Variants in NSD1 observed in about 807,000 individuals in gnomAD.
NSD1 encodes the protein nuclear receptor binding SET domain protein 1.
NSD1 carries 26 observed loss-of-function variants against 242.7 expected under a neutral mutation model. The observed-to-expected ratio is 0.11, with a 90% confidence interval of 0.08 to 0.15. The LOEUF is 0.15. Among genes scored for constraint, NSD1 ranks in the 10% least tolerant of loss-of-function variants. The pLI is 1.00. For missense variants in NSD1, 2,495 were observed against 3,272.8 expected (o/e 0.76, Z 5.80); for synonymous variants, 1,106 against 1,178.1 (o/e 0.94, Z 1.25).
intron 2 of NSD1, among the ~76,000 whole-genome samples, chr5:177,155,113 C>T (rs1443050662): frequency 6.6e-6 from 1 of 151,934 alleles, no homozygotes; most frequent in East Asian, 1.9e-4. Flanking sequence ...GCCTCAGCCT[C>T]CCGAGTAGCT....
At chr5:177,139,147 A>C (rs1756595097) in intron 2 of NSD1, among the ~76,000 whole-genome samples, 1 of 151,824 alleles carries the variant, frequency 6.6e-6, no homozygotes, top group Non-Finnish European at 1.5e-5. Flanking sequence ...GCTATTTGGG[A>C]GGCTGAGGCA....
chr5:177,245,706 G>C (rs185423977), intron 9 of NSD1, among the ~76,000 whole-genome samples: 289 of 151,458 alleles, frequency 1.9e-3, no homozygotes, highest in African/African-American at 6.5e-3. Flanking sequence ...CACAATCTCG[G>C]TTCACTGCAG....
intron 5 of NSD1, among the ~76,000 whole-genome samples, chr5:177,221,694 C>T (rs1266064958): frequency 6.6e-6 from 1 of 152,120 alleles, no homozygotes; most frequent in Non-Finnish European, 1.5e-5. Context: ...TGGACTCGAA[C>T]TCCTGACCTT....
At chr5:177,153,737 C>T (rs1011228026) in intron 2 of NSD1, among the ~76,000 whole-genome samples, 1 of 152,058 alleles carries the variant, frequency 6.6e-6, no homozygotes, top group African/African-American at 2.4e-5. Flanking sequence ...ACTTTAGACT[C>T]TTGTAAAAAT....
At chr5:177,282,714 T>G in intron 19 of NSD1, 133 bp downstream of exon 19, 2 of 785,678 alleles carry the variant, frequency 2.5e-6, no homozygotes, top group South Asian at 2.7e-5. Flanking sequence ...ATTGCTGGAT[T>G]GGGGTTCTGG....
chr5:177,274,923 G>A (rs1043223755), intron 17 of NSD1, among the ~76,000 whole-genome samples: 4 of 151,680 alleles, frequency 2.6e-5, no homozygotes, highest in African/African-American at 4.8e-5. Context: ...TAGTAGAGAC[G>A]GGGTTTCGCC....
intron 2 of NSD1, among the ~76,000 whole-genome samples, chr5:177,147,862 T>G (rs912205838): frequency 2.6e-5 from 4 of 152,178 alleles, no homozygotes; most frequent in Non-Finnish European, 4.4e-5. Context: ...AGTGCTGGGA[T>G]TACAGGTGTG....
chr5:177,235,793 A>G, intron 5 of NSD1, 28 bp from the exon 6 acceptor site: 1 of 1,613,740 alleles, frequency 6.2e-7, no homozygotes, highest in Non-Finnish European at 8.5e-7. Flanking sequence ...CTTTTTGATT[A>G]ATGTTGAATT....
chr5:177,214,464 C>T (rs1384170532), intron 5 of NSD1, among the ~76,000 whole-genome samples: 2 of 152,114 alleles, frequency 1.3e-5, no homozygotes, highest in Non-Finnish European at 2.9e-5. Flanking sequence ...GACTCTATAC[C>T]CATTGAACAA....
intron 15 of NSD1, among the ~76,000 whole-genome samples, chr5:177,268,359 G>A (rs576065747): frequency 2.9e-4 from 43 of 150,224 alleles, no homozygotes; most frequent in African/African-American, 1.0e-3. Context: ...GATAGCATTA[G>A]GAGATATACC....
At chr5:177,161,435 T>C (rs1758737748) in intron 2 of NSD1, among the ~76,000 whole-genome samples, 2 of 151,842 alleles carry the variant, frequency 1.3e-5, no homozygotes, top group South Asian at 4.2e-4. Context: ...AGGGATGACA[T>C]TGGAGGGGTA....
rs185778333 is a variant in NSD1, at chr5:177,145,488, T to C, written c.927+9458T>C. Among the ~76,000 whole-genome samples, 755 of 152,310 alleles carry C rather than the reference T, an allele frequency of 5.0e-3. 5 individuals carry two copies. The highest frequency in any genetic ancestry group is 0.011 in the South Asian group (54 of 4,834). ...TGGTAGAGACAGGGTCTTGCTATGT[T>C]GCCCAGGCTGGTCTTGAATTTCTGG... On this transcript the variant is annotated intron_variant, in intron 2 of 22. Coordinates refer to ENST00000439151, the MANE Select transcript of NSD1 (RefSeq NM_022455.5).
intron 4 of NSD1, among the ~76,000 whole-genome samples, chr5:177,206,141 A>G (rs1040367027): frequency 6.6e-6 from 1 of 152,100 alleles, no homozygotes; most frequent in Non-Finnish European, 1.5e-5. Context: ...TTGGGATTAC[A>G]AGTGTATGCC....
In NSD1 at chr5:177,158,998, T is replaced by A. The variant is rs1369101223; in HGVS notation, c.927+22968T>A. 1.8e-3 allele frequency among the ~76,000 whole-genome samples: 216 copies of A among 122,594 alleles called. 2 individuals are homozygous for A. The highest frequency in any genetic ancestry group is 7.9e-3 in the African/African-American group (208 of 26,312). The allele number at this position is 122,594 out of a possible 152,430, so 80.4% of individuals were successfully genotyped here. A position where few individuals can be genotyped will look rare whatever the true frequency, so the allele number is the denominator to read the frequency against. ...TATACACACATATATATGAATGATT[T>A]TATATATATATATATATATATATAT... On this transcript the variant is annotated intron_variant, in intron 2 of 22. Coordinates refer to ENST00000439151, the MANE Select transcript of NSD1 (RefSeq NM_022455.5).
Position 177,219,266 on chromosome 5 carries a change from A to G in NSD1, c.3796+7071A>G, listed in dbSNP as rs1292540268. ...GCTGGCACGATCTCAGCTCACTGCA[A>G]GCTCCACCTCCCGGGTTCAAGCGAT... On this transcript the variant is annotated intron_variant, in intron 5 of 22. Coordinates refer to ENST00000439151, the MANE Select transcript of NSD1 (RefSeq NM_022455.5). 2.0e-5 allele frequency among the ~76,000 whole-genome samples: 3 copies of G among 151,888 alleles called. No individual in the cohort carries two copies. In the East Asian group the frequency reaches 5.8e-4, roughly 30 times the overall value.
At chr5:177,230,688 G>T (rs557812645) in intron 5 of NSD1, among the ~76,000 whole-genome samples, 2 of 151,818 alleles carry the variant, frequency 1.3e-5, no homozygotes, top group African/African-American at 4.8e-5. Flanking sequence ...TGAGCCAGAT[G>T]TGGTGGCTTG....
At chr5:177,278,855 G>A (rs1758610159) in intron 17 of NSD1, among the ~76,000 whole-genome samples, 1 of 152,148 alleles carries the variant, frequency 6.6e-6, no homozygotes, top group Non-Finnish European at 1.5e-5. Context: ...ACATTCTCAT[G>A]CACAAATCCA....
rs768991161 is a variant in NSD1, at chr5:177,211,858, A to G, written c.3459A>G (p.Gln1153=). ...SENDELNGVN[Q]VVPKKRWQRL... ...ATGATGAACTCAATGGTGTAAATCA[A>G]GTGGTGCCTAAAAAGCGGTGGCAGC... The change falls in exon 5 of 23, where the codon CAA becomes CAG. Residue 1153 remains glutamine (Q), a synonymous_variant. Coordinates refer to ENST00000439151, the MANE Select transcript of NSD1 (RefSeq NM_022455.5). The G allele has an allele frequency of 1.7e-5, 27 of 1,613,274 alleles. No individual in the cohort carries two copies. Among genetic ancestry groups the G allele is most frequent in the South Asian group, 6.6e-5 (6 of 90,918 alleles).
At chr5:177,255,109 A>G (rs554286205) in intron 12 of NSD1, among the ~76,000 whole-genome samples, 1 of 152,150 alleles carries the variant, frequency 6.6e-6, no homozygotes, top group African/African-American at 2.4e-5. Flanking sequence ...GTTTGAGACC[A>G]GCCTGGCCAA....
Sources: gnomAD v4.1 joint callset for allele counts (sites outside exome capture counted in the v4.1 genomes callset) on GRCh38, gnomAD v4.1.1 for gene constraint, MANE v1.5 for transcripts, NCBI Gene and HGNC (gene_info 2026-07-23, HGNC 2026-07-21) for gene names.